Variants in ENTREP2 observed in about 807,000 individuals in gnomAD.
ENTREP2 encodes the protein endosomal transmembrane epsin interactor 2.
chr15:29,152,043 G>A, the ENTREP2 span, among the ~76,000 whole-genome samples: 10 of 152,170 alleles, frequency 6.6e-5, no homozygotes, highest in African/African-American at 2.4e-4. Flanking sequence ...TTACAATGAT[G>A]AGCAAAGTAT....
chr15:29,406,250 T>C, the ENTREP2 span, among the ~76,000 whole-genome samples: 1 of 152,218 alleles, frequency 6.6e-6, no homozygotes, highest in African/African-American at 2.4e-5. Flanking sequence ...GTGAAAAATA[T>C]ATTTTTTAAC....
the ENTREP2 span, among the ~76,000 whole-genome samples, chr15:29,345,446 C>T: frequency 2.6e-5 from 4 of 151,972 alleles, no homozygotes; most frequent in African/African-American, 7.3e-5. Flanking sequence ...ACCCCACCTC[C>T]GCTCCCCGCC....
chr15:29,616,692 C>T, the ENTREP2 span, among the ~76,000 whole-genome samples: 1 of 152,148 alleles, frequency 6.6e-6, no homozygotes, highest in African/African-American at 2.4e-5. Flanking sequence ...CCTTTACAGA[C>T]AAGTATTTTG....
chr15:29,556,798 A>G, the ENTREP2 span, among the ~76,000 whole-genome samples: 1 of 80,052 alleles, frequency 1.2e-5, no homozygotes, highest in Non-Finnish European at 2.5e-5. Context: ...TCAGTTCCCC[A>G]CCTGTGGTCC....
chr15:29,401,017 C>T, the ENTREP2 span, among the ~76,000 whole-genome samples: 1 of 152,186 alleles, frequency 6.6e-6, no homozygotes. Flanking sequence ...GGCCACTGCC[C>T]CTTCAAGCCT....
the ENTREP2 span, among the ~76,000 whole-genome samples, chr15:29,635,760 C>A: frequency 6.6e-6 from 1 of 152,204 alleles, no homozygotes; most frequent in Non-Finnish European, 1.5e-5. Flanking sequence ...GAGGTGTCTG[C>A]TCCAGCCACC....
chr15:29,206,682 T>A, the ENTREP2 span, among the ~76,000 whole-genome samples: 4 of 152,102 alleles, frequency 2.6e-5, no homozygotes, highest in Non-Finnish European at 5.9e-5. Flanking sequence ...GTATGGTATG[T>A]TTTTTTGAGG....
the ENTREP2 span, among the ~76,000 whole-genome samples, chr15:29,489,831 C>G: frequency 6.6e-6 from 1 of 152,176 alleles, no homozygotes; most frequent in Non-Finnish European, 1.5e-5. Flanking sequence ...CAGGCCATGA[C>G]GGCGCAGTTC....
chr15:29,141,376 G>A, the ENTREP2 span, among the ~76,000 whole-genome samples: 1 of 152,228 alleles, frequency 6.6e-6, no homozygotes, highest in African/African-American at 2.4e-5. Context: ...CCAGACAGCA[G>A]TGCTGTGTGG....
chr15:29,297,358 A>T, the ENTREP2 span, among the ~76,000 whole-genome samples: 1 of 152,200 alleles, frequency 6.6e-6, no homozygotes, highest in African/African-American at 2.4e-5. Flanking sequence ...ATGTCTATGA[A>T]GTTCATAATG....
the ENTREP2 span, among the ~76,000 whole-genome samples, chr15:29,632,568 C>T: frequency 6.6e-6 from 1 of 152,092 alleles, no homozygotes; most frequent in East Asian, 1.9e-4. Flanking sequence ...GATCACCTCA[C>T]ATCAGGAGTT....
At chr15:29,392,961 G>A in the ENTREP2 span, among the ~76,000 whole-genome samples, 1 of 152,166 alleles carries the variant, frequency 6.6e-6, no homozygotes, top group African/African-American at 2.4e-5. Context: ...AACTGCACTT[G>A]TTTAGAAAAG....
the ENTREP2 span, among the ~76,000 whole-genome samples, chr15:29,237,932 A>G: frequency 6.6e-6 from 1 of 152,208 alleles, no homozygotes; most frequent in South Asian, 2.1e-4. Context: ...CATAATAGCC[A>G]AAAGGTGGAA....
At chr15:29,239,524 G>A in the ENTREP2 span, among the ~76,000 whole-genome samples, 2 of 152,140 alleles carry the variant, frequency 1.3e-5, no homozygotes, top group Non-Finnish European at 2.9e-5. Flanking sequence ...GTAAATATGT[G>A]TATCCAGAAA....
the ENTREP2 span, among the ~76,000 whole-genome samples, chr15:29,416,071 C>T: frequency 6.6e-6 from 1 of 152,050 alleles, no homozygotes; most frequent in East Asian, 1.9e-4. Flanking sequence ...GCCATAATGC[C>T]CAAGGTAATT....
At chr15:29,414,479 C>A in the ENTREP2 span, among the ~76,000 whole-genome samples, 1 of 152,100 alleles carries the variant, frequency 6.6e-6, no homozygotes, top group African/African-American at 2.4e-5. Context: ...ATACCAGAAT[C>A]TCTGGGACAC....
At chr15:29,376,517 G>A in the ENTREP2 span, 1 of 151,222 alleles carries the variant, frequency 6.6e-6, no homozygotes, top group Non-Finnish European at 1.5e-5. Context: ...CTAGTTTTCA[G>A]CATTTAGAAA....
the ENTREP2 span, among the ~76,000 whole-genome samples, chr15:29,562,328 A>C: frequency 6.6e-6 from 1 of 152,222 alleles, no homozygotes; most frequent in Non-Finnish European, 1.5e-5. Context: ...TAATTTGGAG[A>C]GGTTTATGAT....
chr15:29,123,667 G>A, the ENTREP2 span: 1 of 1,544,010 alleles, frequency 6.5e-7, no homozygotes, highest in Non-Finnish European at 8.8e-7. Flanking sequence ...TAAAAATCAA[G>A]GGCAAAAGTG....
Sources: gnomAD v4.1 joint callset for allele counts (sites outside exome capture counted in the v4.1 genomes callset) on GRCh38, gnomAD v4.1.1 for gene constraint, MANE v1.5 for transcripts, NCBI Gene and HGNC (gene_info 2026-07-23, HGNC 2026-07-21) for gene names.